EPB41: variants seen among roughly 807,000 people sequenced by gnomAD.
The protein encoded by EPB41 is protein 4.1.
Under a neutral mutation model 108.0 loss-of-function variants are expected in EPB41, and 65 were observed. That is an observed-to-expected ratio of 0.60 (90% CI 0.49 to 0.74). The LOEUF is 0.74. EPB41 is among the 30% of genes least tolerant of loss of function. The pLI, the probability that EPB41 is intolerant of heterozygous loss-of-function variation, is 0.00. For synonymous variants in EPB41, 336 were observed against 358.9 expected (o/e 0.94, Z 0.72); for missense variants, 875 against 1,037.0 (o/e 0.84, Z 2.15).
intron 1 of EPB41, among the ~76,000 whole-genome samples, chr1:28,967,866 G>T (rs2149252887): frequency 7.0e-6 from 1 of 143,512 alleles, no homozygotes; most frequent in East Asian, 2.1e-4. Context: ...GTGCAGTGGT[G>T]TGATCTCAGC....
Position 29,020,760 on chromosome 1 carries a change from T to A in EPB41, c.1124+2318T>A, listed in dbSNP as rs867467718. Among the ~76,000 whole-genome samples the A allele has an allele frequency of 6.6e-5, 10 of 152,184 alleles. 1 individual carries two copies. The Middle Eastern group carries it at 0.017, about 259-fold the overall frequency. On this transcript the variant is annotated intron_variant, in intron 7 of 20. Coordinates refer to ENST00000343067, the MANE Select transcript of EPB41 (RefSeq NM_001376013.1). ...GCAGCTTCAATCTCCTAGGTTCAAG[T>A]GATCGTCTCATCTCAGCCTTCTGAG... is the stretch of plus-strand genomic sequence containing the variant.
chr1:28,902,208 T>TCA, intron 1 of EPB41: 1 of 985,406 alleles, frequency 1.0e-6, no homozygotes, highest in Non-Finnish European at 1.2e-6. Context: ...ATTTGTCAGA[T>TCA]CATACTTTAG....
intron 4 of EPB41, among the ~76,000 whole-genome samples, chr1:29,001,595 T>A (rs1396797857): frequency 2.0e-5 from 3 of 152,248 alleles, no homozygotes; most frequent in Non-Finnish European, 4.4e-5. Flanking sequence ...TTCTGCCTTC[T>A]CATTTGATTT....
chr1:28,973,321 G>A (rs2095533699), intron 1 of EPB41, among the ~76,000 whole-genome samples: 1 of 152,090 alleles, frequency 6.6e-6, no homozygotes, highest in African/African-American at 2.4e-5. Context: ...TGGGGATATT[G>A]GGGGTGGGGG....
chr1:29,053,127 C>T lies in EPB41; in HGVS notation c.1660C>T (p.Arg554Ter). ...DGAAAVDSAD[R>*]SPRPTSAPAI... ...AGCAGCAGCTGTCGATTCGGCAGACCGAAGTCCTCGGCCCACTTCTGCACC... is the reference window on the plus strand; with the variant it reads ...AGCAGCAGCTGTCGATTCGGCAGACTGAAGTCCTCGGCCCACTTCTGCACC... Residue 554 changes from arginine to a stop codon, truncating the protein, a stop_gained, in exon 12 of 21, where the codon CGA (arginine) becomes TGA (stop). Coordinates refer to ENST00000343067, the MANE Select transcript of EPB41 (RefSeq NM_001376013.1). LOFTEE classifies it high-confidence loss of function. 1.2e-6 allele frequency: 2 copies of T among 1,614,110 alleles called. No homozygotes were observed. The highest frequency in any genetic ancestry group is 1.7e-6 in the Non-Finnish European group (2 of 1,180,044).
At chr1:28,956,359 G>T (rs1369243539) in intron 1 of EPB41, among the ~76,000 whole-genome samples, 1 of 152,216 alleles carries the variant, frequency 6.6e-6, no homozygotes, top group Admixed American at 6.5e-5. Flanking sequence ...ACTGGGCTTT[G>T]CTGTTTTACA....
At chr1:28,919,922 T>C (rs1345004938) in intron 1 of EPB41, among the ~76,000 whole-genome samples, 1 of 152,254 alleles carries the variant, frequency 6.6e-6, no homozygotes. Flanking sequence ...AAACTGTGAT[T>C]GTTTATTGAA....
Position 28,947,979 on chromosome 1 carries a change from GT to G in EPB41, c.-8+33221del, listed in dbSNP as rs965754147. ...TGGTTTGCTACAAATTGAAATGGGTGTTTTTTTTTTCATGTTCTTTTTAAAC... is the reference window on the plus strand; with the variant it reads ...TGGTTTGCTACAAATTGAAATGGGTGTTTTTTTTTCATGTTCTTTTTAAAC... On this transcript the variant is annotated intron_variant, in intron 1 of 20. Transcript: ENST00000343067. Among the ~76,000 whole-genome samples, 37 of 147,450 alleles carry G rather than the reference GT, an allele frequency of 2.5e-4. 1 individual carries two copies. Among genetic ancestry groups the G allele is most frequent in the African/African-American group, 4.7e-4 (19 of 40,156 alleles).
rs1671482823 is a variant in EPB41, at chr1:29,119,288, A to G, written c.*2476A>G. On this transcript the variant is annotated 3_prime_UTR_variant, in exon 21 of 21. Transcript: ENST00000343067. ...TTGTTTGGATTTTTTTTCTTTCTGC[A>G]GTTGTGTGTATGTGTGTTTGTGTGA... The G allele has an allele frequency of 1.3e-5, 2 of 152,414 alleles. 1 individual carries two copies. Among genetic ancestry groups the G allele is most frequent in the South Asian group, 4.2e-4 (2 of 4,816 alleles). 9.4% of individuals were successfully genotyped at this position (152,414 alleles called of 1,614,324 possible).
At chr1:29,032,157 C>G (rs957107872) in intron 8 of EPB41, among the ~76,000 whole-genome samples, 1 of 150,272 alleles carries the variant, frequency 6.7e-6, no homozygotes, top group Non-Finnish European at 1.5e-5. Flanking sequence ...GGTACTACAA[C>G]TTCTATGAAT....
chr1:29,025,991 G>T (rs545706100), intron 7 of EPB41, among the ~76,000 whole-genome samples: 58 of 152,252 alleles, frequency 3.8e-4, no homozygotes, highest in Non-Finnish European at 7.2e-4. Context: ...GATGTGGAGG[G>T]CATCCATACA....
intron 3 of EPB41, among the ~76,000 whole-genome samples, chr1:28,995,229 T>C (rs2096138649): frequency 6.6e-6 from 1 of 152,026 alleles, no homozygotes; most frequent in Non-Finnish European, 1.5e-5. Context: ...TATGGATCTC[T>C]TATATATGAA....
chr1:29,035,790 A>G (rs1205550333), intron 9 of EPB41, 36 bp from the exon 10 acceptor site: 3 of 1,452,724 alleles, frequency 2.1e-6, no homozygotes, highest in African/African-American at 1.4e-5. Flanking sequence ...ATCACATGTA[A>G]TACTTCATGT....
chr1:28,970,226 A>T (rs558598558), intron 1 of EPB41, among the ~76,000 whole-genome samples: 4 of 152,324 alleles, frequency 2.6e-5, no homozygotes, highest in Admixed American at 2.0e-4. Flanking sequence ...TCCAATTTCC[A>T]GAGTATCTGC....
chr1:28,914,778 G>T lies in EPB41; in HGVS notation c.-8+10G>T. 1 of 153,188 alleles carries T rather than the reference G, an allele frequency of 6.5e-6. No homozygotes were observed. The allele number at this position is 153,188 out of a possible 1,614,324, so 9.5% of individuals were successfully genotyped here. A position where few individuals can be genotyped will look rare whatever the true frequency, so the allele number is the denominator to read the frequency against. On this transcript the variant is annotated intron_variant, in intron 1 of 20. Coordinates refer to ENST00000343067, the MANE Select transcript of EPB41 (RefSeq NM_001376013.1). ...GGCCCCGGAGCCACCGGTGAGGCGAGGCGGCGGCGGCGGCGCGGGAGCCGG... is the reference window on the plus strand; with the variant it reads ...GGCCCCGGAGCCACCGGTGAGGCGATGCGGCGGCGGCGGCGCGGGAGCCGG...
chr1:29,083,793 C>A (rs558410979), intron 16 of EPB41, among the ~76,000 whole-genome samples: 7 of 152,176 alleles, frequency 4.6e-5, no homozygotes, highest in Non-Finnish European at 1.0e-4. Flanking sequence ...CCCCTAGGCA[C>A]TTAAAGCCAT....
chr1:29,014,773 A>T (rs1338224611), intron 5 of EPB41, among the ~76,000 whole-genome samples: 1 of 152,212 alleles, frequency 6.6e-6, no homozygotes, highest in Admixed American at 6.5e-5. Flanking sequence ...GTGTGTTTTA[A>T]TATAAATATG....
intron 16 of EPB41, among the ~76,000 whole-genome samples, chr1:29,085,136 A>G (rs977950055): frequency 1.4e-5 from 2 of 144,122 alleles, no homozygotes; most frequent in African/African-American, 5.1e-5. Flanking sequence ...AAATACTTTG[A>G]TCTTCTTTTT....
chr1:28,921,742 A>G (rs1045856141), intron 1 of EPB41, among the ~76,000 whole-genome samples: 10 of 151,712 alleles, frequency 6.6e-5, no homozygotes, highest in African/African-American at 2.4e-4. Flanking sequence ...GTCTTCCTAC[A>G]CATGTGTCTT....
Sources: allele counts gnomAD v4.1 joint callset (sites outside exome capture counted in the v4.1 genomes callset), GRCh38; gene constraint gnomAD v4.1.1; transcripts MANE v1.5; gene names NCBI Gene and HGNC (gene_info 2026-07-23, HGNC 2026-07-21).